Variants in BOD1L1 observed in about 807,000 individuals in gnomAD.
The protein encoded by BOD1L1 is biorientation of chromosomes in cell division 1 like 1, also known as biorientation of chromosomes in cell division protein 1-like 1.
Under a neutral mutation model 240.7 loss-of-function variants are expected in BOD1L1, and 86 were observed. The ratio of observed to expected loss-of-function variants is 0.36; its 90% confidence interval spans 0.30 to 0.43. The LOEUF (loss-of-function observed/expected upper bound fraction) is 0.43, where lower values mean the gene tolerates loss of function less well. Ranked by LOEUF, BOD1L1 falls within the 20% of genes least tolerant of loss-of-function variation. The pLI is 1.00. For synonymous variants in BOD1L1, 1,268 were observed against 1,272.3 expected (o/e 1.00, Z 0.07); for missense variants, 3,554 against 3,643.5 (o/e 0.98, Z 0.63).
rs529822344 is a variant in BOD1L1, at chr4:13,603,605, C to T, written c.3295G>A (p.Gly1099Ser). The T allele has an allele frequency of 1.9e-5, 31 of 1,613,784 alleles. No individual in the cohort carries two copies. The highest frequency in any genetic ancestry group is 1.1e-4 in the East Asian group (5 of 44,890). Residue 1099 changes from glycine (G) to serine (S), a missense_variant, in exon 10 of 26, where the codon GGT becomes AGT. Gly to Ser is a moderately conservative substitution (Grantham distance 56). Transcript: ENST00000040738. ...LAANTLSTPS[G>S]SSLQRPKKSG... ...TTTTTTGGTCTCTGAAGGGAGGAAC[C>T]GCTGGGAGTGCTCAAAGTGTTTGCT...
intron 22 of BOD1L1, 165 bp from the exon 23 acceptor site, chr4:13,577,796 A>C: frequency 2.0e-6 from 1 of 493,452 alleles, no homozygotes; most frequent in South Asian, 3.7e-5. Context: ...TACCTAGCAG[A>C]GATCACATTG....
At chr4:13,612,136 A>G (rs1716218147) in intron 5 of BOD1L1, among the ~76,000 whole-genome samples, 1 of 152,166 alleles carries the variant, frequency 6.6e-6, no homozygotes, top group South Asian at 2.1e-4. Flanking sequence ...AGATATGACA[A>G]TTAGGAATTA....
Position 13,603,175 on chromosome 4 carries a change from A to G in BOD1L1, c.3725T>C (p.Leu1242Ser). The G allele has an allele frequency of 6.2e-7, 1 of 1,614,046 alleles. No homozygotes were observed. Among genetic ancestry groups the G allele is most frequent in the Non-Finnish European group, 8.5e-7 (1 of 1,179,882 alleles). ...NIDSETVHRM[L>S]LSAPSENDRV... ...ATCATTTTCTGATGGGGCACTCAGT[A>G]ACATTCTATGAACAGTTTCAGAATC... Residue 1242 changes from leucine (L) to serine (S), a missense_variant, in exon 10 of 26, where the codon TTA becomes TCA. Coordinates refer to ENST00000040738, the MANE Select transcript of BOD1L1 (RefSeq NM_148894.3).
At chr4:13,587,130 C>A (rs897037918) in intron 16 of BOD1L1, among the ~76,000 whole-genome samples, 1 of 152,168 alleles carries the variant, frequency 6.6e-6, no homozygotes, top group Non-Finnish European at 1.5e-5. Flanking sequence ...TAGTCACTAA[C>A]CACATCTGGC....
intron 5 of BOD1L1, among the ~76,000 whole-genome samples, chr4:13,611,863 G>A (rs544858686): frequency 1.3e-5 from 2 of 152,190 alleles, no homozygotes; most frequent in African/African-American, 4.8e-5. Flanking sequence ...ATAACTGGAA[G>A]GTAATTTGCT....
At chr4:13,607,829 G>C (rs888658171) in intron 8 of BOD1L1, among the ~76,000 whole-genome samples, 1 of 152,136 alleles carries the variant, frequency 6.6e-6, no homozygotes, top group Non-Finnish European at 1.5e-5. Flanking sequence ...AGTAAAGAGG[G>C]CAGTCTTATT....
intron 2 of BOD1L1, 104 bp from the exon 3 acceptor site, chr4:13,615,606 T>A: frequency 1.8e-6 from 2 of 1,100,356 alleles, no homozygotes; most frequent in South Asian, 3.5e-5. Flanking sequence ...TATCCATCCA[T>A]CCAACCTTAA....
In BOD1L1 at chr4:13,603,578, T is replaced by C; in HGVS notation, c.3322A>G (p.Ser1108Gly). ...SGSSLQRPKKSGDMTLIPEQE... is the reference protein window; with the variant it reads ...SGSSLQRPKKGGDMTLIPEQE... The stretch of plus-strand genomic sequence containing the variant: ...TCAGGGATCAATGTCATATCACCAC[T>C]CTTTTTTGGTCTCTGAAGGGAGGAA... Residue 1108 changes from serine to glycine, a missense_variant, in exon 10 of 26, where the codon AGT (serine) becomes GGT (glycine). Physicochemically the swap from Ser to Gly is moderately conservative, Grantham distance 56. This residue lies in a region of BOD1L1 where 3,393 missense variants were observed against 3,427.1 expected (regional missense o/e 0.99). Transcript: ENST00000040738. 1 of 1,614,008 alleles carries C rather than the reference T, an allele frequency of 6.2e-7. No homozygotes were observed. The highest frequency in any genetic ancestry group is 2.2e-5 in the East Asian group (1 of 44,884).
In BOD1L1 at chr4:13,600,031, G is replaced by T. The variant is rs1479903504; in HGVS notation, c.6869C>A (p.Thr2290Asn). The T allele has an allele frequency of 6.2e-7, 1 of 1,609,506 alleles. No homozygotes were observed. The highest frequency in any genetic ancestry group is 1.1e-5 in the South Asian group (1 of 90,230). Residue 2290 changes from threonine (T) to asparagine (N), a missense_variant, in exon 10 of 26, where the codon ACC (threonine) becomes AAC (asparagine). This residue lies in a region of BOD1L1 where 3,393 missense variants were observed against 3,427.1 expected (regional missense o/e 0.99). Coordinates refer to ENST00000040738, the MANE Select transcript of BOD1L1 (RefSeq NM_148894.3). ...SVTPAEEMGD[T>N]AMISTSTSEG... ...AGAGGTGCTTGTGGAAATCATGGCG[G>T]TGTCACCCATCTCTTCCGCTGGTGT...
rs1334213781 is a variant in BOD1L1 at position 13,601,803 on chromosome 4, T to C, written c.5097A>G (p.Ala1699=). 1.2e-6 allele frequency: 2 copies of C among 1,614,048 alleles called. No homozygotes were observed. Among genetic ancestry groups the C allele is most frequent in the South Asian group, 2.2e-5 (2 of 91,084 alleles). ...AVTSAGTEIR[A]GSISSEEVDG... is the part of the protein sequence containing the mutation. ...CCACCTCTTCACTGCTTATAGATCC[T>C]GCTCTTATCTCTGTTCCAGCACTTG... Residue 1699 remains alanine (A), a synonymous_variant, in exon 10 of 26, where the codon GCA becomes GCG. Transcript: ENST00000040738.
chr4:13,614,750 G>T lies in BOD1L1; in HGVS notation c.620C>A (p.Thr207Asn). The T allele has an allele frequency of 6.2e-7, 1 of 1,613,826 alleles. No individual in the cohort carries two copies. The highest frequency in any genetic ancestry group is 1.1e-5 in the South Asian group (1 of 91,072). Residue 207 changes from threonine to asparagine, a missense_variant, in exon 4 of 26, where the codon ACC becomes AAC. By Grantham distance (65) the Thr-to-Asn change is moderately conservative (BLOSUM62 0). This residue lies in a region of BOD1L1 where 3,393 missense variants were observed against 3,427.1 expected (regional missense o/e 0.99). Transcript: ENST00000040738. ...GGCTTCTTGGTTAAGAGAAGTTATG[G>T]TTTCCAATATCGACATGGCATCATT... ...VANDAMSILE[T>N]ITSLNQEASA...
chr4:13,573,089 T>C (rs1297275497), intron 25 of BOD1L1, among the ~76,000 whole-genome samples: 5 of 152,154 alleles, frequency 3.3e-5, no homozygotes, highest in Non-Finnish European at 5.9e-5. Flanking sequence ...AGAAAAAAGA[T>C]GTATCTGCGA....
At chr4:13,597,852 G>C (rs1376599449) in intron 10 of BOD1L1, among the ~76,000 whole-genome samples, 1 of 152,156 alleles carries the variant, frequency 6.6e-6, no homozygotes, top group African/African-American at 2.4e-5. Context: ...TCAACCCTTG[G>C]AGCATTTCTT....
chr4:13,573,861 T>G (rs898012928), intron 25 of BOD1L1, among the ~76,000 whole-genome samples: 2 of 152,036 alleles, frequency 1.3e-5, no homozygotes, highest in African/African-American at 4.8e-5. Flanking sequence ...ATTTTTTCTT[T>G]TAAGAGGGTC....
intron 25 of BOD1L1, 68 bp from the exon 26 acceptor site, chr4:13,570,196 C>G: frequency 3.4e-6 from 4 of 1,160,728 alleles, no homozygotes; most frequent in Non-Finnish European, 4.7e-6. Flanking sequence ...TTGGGAGTTC[C>G]TTAAAAAACA....
rs144410621 is a variant in BOD1L1 at position 13,599,377 on chromosome 4, G to A, written c.7523C>T (p.Pro2508Leu). ...NANSPAHLRG[P>L]EQTSGQTAKD... ...AGCCGTCTGCCCAGACGTCTGTTCT[G>A]GTCCTCTCAGGTGGGCAGGTGAGTT... Residue 2508 changes from proline to leucine, a missense_variant, in exon 10 of 26, where the codon CCA (proline) becomes CTA (leucine). Around this residue, in one of 2 missense-constraint regions of BOD1L1, gnomAD observed 3,393 missense variants for 3,427.1 expected, o/e 0.99. Transcript: ENST00000040738. 6.2e-7 allele frequency: 1 copy of A among 1,613,972 alleles called. No homozygotes were observed. The highest frequency in any genetic ancestry group is 8.5e-7 in the Non-Finnish European group (1 of 1,179,880).
chr4:13,571,477 T>C (rs1712201622), intron 25 of BOD1L1, among the ~76,000 whole-genome samples: 1 of 152,228 alleles, frequency 6.6e-6, no homozygotes, highest in African/African-American at 2.4e-5. Flanking sequence ...ACTGTTTCCA[T>C]GGAAAGCCAC....
chr4:13,619,757 A>G (rs148497786), intron 2 of BOD1L1, among the ~76,000 whole-genome samples, 186 bp downstream of exon 2: 4 of 152,350 alleles, frequency 2.6e-5, no homozygotes, highest in Admixed American at 6.5e-5. Flanking sequence ...GTTAAAATGT[A>G]TAAGAACATG....
chr4:13,574,759 A>T (rs1356063258), intron 25 of BOD1L1, among the ~76,000 whole-genome samples: 1 of 152,208 alleles, frequency 6.6e-6, no homozygotes, highest in Non-Finnish European at 1.5e-5. Context: ...CACCTAAAAA[A>T]ACAAATATGA....
Sources: gnomAD v4.1 joint callset for allele counts (sites outside exome capture counted in the v4.1 genomes callset) on GRCh38, gnomAD v4.1.1 for gene constraint, gnomAD v4.1.1 regional missense constraint, MANE v1.5 for transcripts, NCBI Gene and HGNC (gene_info 2026-07-23, HGNC 2026-07-21) for gene names.